BABAM2: variants seen among roughly 807,000 people sequenced by gnomAD.
The protein encoded by BABAM2 is BRISC and BRCA1 A complex member 2, also known as BRISC and BRCA1-A complex member 2.
BABAM2 carries 31 observed loss-of-function variants against 54.7 expected under a neutral mutation model. That is an observed-to-expected ratio of 0.57 (90% CI 0.43 to 0.77). The LOEUF (loss-of-function observed/expected upper bound fraction) is 0.77. Ranked by LOEUF, BABAM2 falls within the 30% of genes least tolerant of loss-of-function variation. BABAM2 has a pLI of 0.00. For missense variants in BABAM2, 364 were observed against 455.8 expected (o/e 0.80, Z 1.83); for synonymous variants, 167 against 162.9 (o/e 1.03, Z -0.19).
At position 28,211,352 on chromosome 2, in the gene BABAM2, C is replaced by T. The variant is rs1679429528; in HGVS notation, c.681-25850C>T. 3.4e-5 allele frequency among the ~76,000 whole-genome samples: 5 copies of T among 146,086 alleles called. No homozygotes were observed. The South Asian group carries it at 1.1e-3, about 32-fold the overall frequency. ...TTCTTAGTATTTAATAACATTTGGT[C>T]ATACTTATCCATGTATAGTTCCTTC... On this transcript the variant is annotated intron_variant, in intron 7 of 11. Coordinates refer to ENST00000379624, the MANE Select transcript of BABAM2 (RefSeq NM_199191.3).
In BABAM2 at chr2:28,289,766, G is replaced by A. The variant is rs902272051; in HGVS notation, c.935-8572G>A. ...AGATCACGCTACCACACTCCACCCC[G>A]TGTGACAGAGAGACTCTGTCTCAAA... On this transcript the variant is annotated intron_variant, in intron 10 of 11. Transcript: ENST00000379624. 8.9e-4 allele frequency among the ~76,000 whole-genome samples: 135 copies of A among 152,182 alleles called. 1 individual carries two copies. Among genetic ancestry groups the A allele is most frequent in the Non-Finnish European group, 1.7e-3 (113 of 68,018 alleles).
At chr2:28,114,467 C>T (rs986418792) in intron 6 of BABAM2, among the ~76,000 whole-genome samples, 2 of 152,140 alleles carry the variant, frequency 1.3e-5, no homozygotes, top group South Asian at 2.1e-4. Flanking sequence ...TAATTAATCA[C>T]GTATTACCTT....
chr2:27,949,019 T>C (rs1669510694), intron 3 of BABAM2, among the ~76,000 whole-genome samples: 1 of 152,108 alleles, frequency 6.6e-6, no homozygotes, highest in South Asian at 2.1e-4. Context: ...GGAGACAGAT[T>C]TGTAAAACCA....
chr2:28,065,404 C>T (rs550611200), intron 6 of BABAM2, among the ~76,000 whole-genome samples: 36 of 152,178 alleles, frequency 2.4e-4, no homozygotes, highest in Non-Finnish European at 4.6e-4. Flanking sequence ...GAACTGTGCT[C>T]ACGAGGTTCT....
chr2:28,071,512 G>T (rs1282064381), intron 6 of BABAM2, among the ~76,000 whole-genome samples: 1 of 152,224 alleles, frequency 6.6e-6, no homozygotes, highest in Non-Finnish European at 1.5e-5. Context: ...CATATTGCGT[G>T]ATTGTCACTT....
intron 6 of BABAM2, among the ~76,000 whole-genome samples, chr2:28,093,204 A>C (rs908230584): frequency 1.3e-5 from 2 of 152,102 alleles, no homozygotes; most frequent in Admixed American, 6.6e-5. Flanking sequence ...CATCCCAACA[A>C]TTCCATGTGG....
At chr2:28,256,213 T>A (rs973080710) in intron 10 of BABAM2, among the ~76,000 whole-genome samples, 9 of 152,132 alleles carry the variant, frequency 5.9e-5, no homozygotes, top group Non-Finnish European at 1.0e-4. Flanking sequence ...AATAGTAATA[T>A]CCAGTAGCAT....
chr2:28,079,388 T>A (rs1664967633), intron 6 of BABAM2, among the ~76,000 whole-genome samples: 1 of 152,220 alleles, frequency 6.6e-6, no homozygotes, highest in African/African-American at 2.4e-5. Flanking sequence ...CTAGAGAAAG[T>A]CTTCAGAATT....
rs866918056 is a variant in BABAM2, at chr2:28,178,651, T to A, written c.680+49271T>A. Among the ~76,000 whole-genome samples the A allele has an allele frequency of 2.1e-5, 3 of 144,186 alleles. No homozygotes were observed. The South Asian group carries it at 6.4e-4, about 31-fold the overall frequency. The allele number at this position is 144,186 out of a possible 152,430, so 94.6% of individuals were successfully genotyped here. A position where few individuals can be genotyped will look rare whatever the true frequency, so the allele number is the denominator to read the frequency against. ...TAGAAGGAAAGAGATAATAAAGATC[T>A]AAATAAAAAAGAGGCTACAAAAAAT... On this transcript the variant is annotated intron_variant, in intron 7 of 11. Transcript: ENST00000379624.
intron 4 of BABAM2, among the ~76,000 whole-genome samples, chr2:27,996,085 G>A (rs925196844): frequency 1.3e-5 from 2 of 152,126 alleles, no homozygotes; most frequent in African/African-American, 4.8e-5. Context: ...TGATTTTTCT[G>A]TGTGTGTTTC....
chr2:27,956,332 A>G (rs1024419778), intron 3 of BABAM2, among the ~76,000 whole-genome samples: 18 of 152,212 alleles, frequency 1.2e-4, no homozygotes, highest in African/African-American at 4.1e-4. Flanking sequence ...AAGCAATAAC[A>G]TCATAGAAAC....
At chr2:27,932,609 A>G (rs1022579264) in intron 3 of BABAM2, among the ~76,000 whole-genome samples, 4 of 152,100 alleles carry the variant, frequency 2.6e-5, no homozygotes, top group Non-Finnish European at 5.9e-5. Flanking sequence ...AGTTTGTTCT[A>G]TTTCTTCATT....
chr2:27,890,040 T>A, upstream of BABAM2: 1 of 518,638 alleles, frequency 1.9e-6, no homozygotes, highest in Non-Finnish European at 3.5e-6. This position sits in a 1 kb window ranked among gnomAD's most constrained non-coding sequence, Gnocchi z 4.8. Flanking sequence ...CACTAAACCC[T>A]GGCCTATTAC....
At chr2:28,270,106 A>T (rs528112735) in intron 10 of BABAM2, among the ~76,000 whole-genome samples, 1 of 152,202 alleles carries the variant, frequency 6.6e-6, no homozygotes, top group East Asian at 1.9e-4. Context: ...CTTGAATAAG[A>T]TATGGTCCCT....
chr2:28,122,728 G>T (rs978055688), intron 6 of BABAM2, among the ~76,000 whole-genome samples: 2 of 152,184 alleles, frequency 1.3e-5, no homozygotes, highest in Non-Finnish European at 1.5e-5. Context: ...TATCAAAGGA[G>T]TAGAGCATAA....
chr2:27,902,488 G>A (rs1307363614), intron 2 of BABAM2, among the ~76,000 whole-genome samples: 1 of 152,116 alleles, frequency 6.6e-6, no homozygotes, highest in Admixed American at 6.5e-5. Context: ...TTGCCAGATT[G>A]AATCATTTTC....
At chr2:27,986,627 A>G (rs959751888) in intron 3 of BABAM2, among the ~76,000 whole-genome samples, 13 of 152,204 alleles carry the variant, frequency 8.5e-5, no homozygotes, top group African/African-American at 3.1e-4. Context: ...AGTCATCATC[A>G]TGTTTTAGTC....
intron 4 of BABAM2, among the ~76,000 whole-genome samples, chr2:28,024,335 G>A (rs1001041680): frequency 1.5e-4 from 23 of 152,006 alleles, no homozygotes; most frequent in Non-Finnish European, 3.1e-4. Flanking sequence ...GAACCCGGGA[G>A]GCGGAGCTTG....
chr2:28,139,685 G>A (rs34784711), intron 7 of BABAM2, among the ~76,000 whole-genome samples: 12,612 of 152,288 alleles, frequency 0.083, 646 homozygotes, highest in East Asian at 0.15. Flanking sequence ...TCTGTATTGT[G>A]TCTTGATGAT....
Sources: allele counts gnomAD v4.1 joint callset (sites outside exome capture counted in the v4.1 genomes callset), GRCh38; gene constraint gnomAD v4.1.1; non-coding constraint Gnocchi (gnomAD v3.1); transcripts MANE v1.5; gene names NCBI Gene and HGNC (gene_info 2026-07-23, HGNC 2026-07-21).